Variants in CDH9 observed in about 807,000 individuals in gnomAD.
CDH9 encodes the protein cadherin-9.
CDH9 carries 28 observed loss-of-function variants against 70.9 expected under a neutral mutation model. That is an observed-to-expected ratio of 0.40 (90% CI 0.29 to 0.54). CDH9 has a LOEUF of 0.54. Ranked by LOEUF, CDH9 falls within the 20% of genes least tolerant of loss-of-function variation. CDH9 has a pLI of 0.59. For missense variants in CDH9, 874 were observed against 984.4 expected (o/e 0.89, Z 1.50); for synonymous variants, 409 against 343.1 (o/e 1.19, Z -2.12).
intron 11 of CDH9, among the ~76,000 whole-genome samples, chr5:26,884,369 A>T (rs931864031): frequency 1.3e-5 from 2 of 152,212 alleles, no homozygotes; most frequent in African/African-American, 2.4e-5. Flanking sequence ...ACATATTTAC[A>T]TGTTGTTCTA....
chr5:26,922,258 C>A (rs1475822129), intron 2 of CDH9, among the ~76,000 whole-genome samples: 2 of 151,726 alleles, frequency 1.3e-5, no homozygotes, highest in African/African-American at 4.8e-5. Flanking sequence ...GCAGATTTAA[C>A]CCAAATAAGA....
At chr5:26,965,631 C>T (rs962261787) in intron 2 of CDH9, among the ~76,000 whole-genome samples, 2 of 150,522 alleles carry the variant, frequency 1.3e-5, no homozygotes, top group Non-Finnish European at 3.0e-5. Flanking sequence ...GCTGGTGATA[C>T]ATTTATGAGC....
At chr5:26,996,654 T>C (rs991078308) in intron 1 of CDH9, among the ~76,000 whole-genome samples, 2 of 151,840 alleles carry the variant, frequency 1.3e-5, no homozygotes, top group African/African-American at 4.8e-5. Context: ...AGTGGTTACA[T>C]TTATTATATA....
At chr5:26,899,050 G>T (rs543508327) in intron 7 of CDH9, among the ~76,000 whole-genome samples, 5 of 152,232 alleles carry the variant, frequency 3.3e-5, no homozygotes, top group Admixed American at 3.3e-4. Context: ...CATTTATGCG[G>T]CCAACAAACA....
At position 27,001,842 on chromosome 5, in the gene CDH9, A is replaced by ACT. The variant is rs1430161167; in HGVS notation, c.-49-13461_-49-13460insAG. 6.0e-3 allele frequency among the ~76,000 whole-genome samples: 753 copies of ACT among 125,886 alleles called. 7 individuals carry two copies. The highest frequency in any genetic ancestry group is 0.02 in the African/African-American group (635 of 32,158). 82.6% of individuals were successfully genotyped at this position (125,886 alleles called of 152,430 possible). A position where few individuals can be genotyped will look rare whatever the true frequency, so the allele number is the denominator to read the frequency against. ...CAGTGCTTAACATACACACACACAC[A>ACT]CACTCTCTCTCTCTCTCTCTCTCTC... On this transcript the variant is annotated intron_variant, in intron 1 of 11. Transcript: ENST00000231021.
chr5:26,991,287 C>T (rs1206486144), intron 1 of CDH9, among the ~76,000 whole-genome samples: 2 of 152,154 alleles, frequency 1.3e-5, no homozygotes, highest in African/African-American at 2.4e-5. Flanking sequence ...TTTTTCTATG[C>T]TTTTGCTTCT....
In CDH9 at chr5:26,881,356, T is replaced by C. The variant is rs148997333; in HGVS notation, c.2150A>G (p.His717Arg). 1.6e-5 allele frequency: 26 copies of C among 1,613,570 alleles called. No individual in the cohort carries two copies. In the African/African-American group the frequency reaches 3.2e-4, roughly 20 times the overall value. The change falls in exon 12 of 12, where the codon CAT (histidine) becomes CGT (arginine). Residue 717 changes from histidine (H) to arginine (R), a missense_variant. Transcript: ENST00000231021. ...WENIDVQDFI[H>R]RRLKENDADP... ...TGCGTCGTTTTCTTTTAATCTTCGA[T>C]GGATAAAATCTTGTACATCAATATT...
At chr5:26,948,861 C>T (rs1471081492) in intron 2 of CDH9, among the ~76,000 whole-genome samples, 1 of 152,174 alleles carries the variant, frequency 6.6e-6, no homozygotes, top group Non-Finnish European at 1.5e-5. Context: ...AATGAGAGGA[C>T]AGACGGTGCA....
intron 2 of CDH9, among the ~76,000 whole-genome samples, chr5:26,933,445 T>C (rs1291978810): frequency 6.6e-6 from 1 of 151,434 alleles, no homozygotes; most frequent in Non-Finnish European, 1.5e-5. Context: ...AAGCTGGACA[T>C]ACAAATAAAA....
At chr5:26,913,246 A>T (rs1352950702) in intron 3 of CDH9, among the ~76,000 whole-genome samples, 1 of 152,054 alleles carries the variant, frequency 6.6e-6, no homozygotes, top group East Asian at 1.9e-4. Context: ...AGGCAATTAA[A>T]CCAAATATAG....
intron 2 of CDH9, among the ~76,000 whole-genome samples, chr5:26,931,880 G>T (rs1408202309): frequency 4.6e-5 from 7 of 152,022 alleles, no homozygotes; most frequent in Non-Finnish European, 1.0e-4. Flanking sequence ...ATGGAGAAAA[G>T]AATATGGCAC....
At chr5:26,948,018 T>C (rs955660669) in intron 2 of CDH9, among the ~76,000 whole-genome samples, 1 of 152,062 alleles carries the variant, frequency 6.6e-6, no homozygotes, top group South Asian at 2.1e-4. Flanking sequence ...AACTTCTCCA[T>C]TTATTGGTGG....
chr5:26,937,465 T>C lies in CDH9; in HGVS notation c.229-21541A>G, dbSNP rs1376985198. ...TTACTTTGGTGGACAGTTTGTGAGT[T>C]TCCTACAAAGCTAAACAGTCACAGC... On this transcript the variant is annotated intron_variant, in intron 2 of 11. Coordinates refer to ENST00000231021, the MANE Select transcript of CDH9 (RefSeq NM_016279.4). Among the ~76,000 whole-genome samples, 3 of 152,082 alleles carry C rather than the reference T, an allele frequency of 2.0e-5. No homozygotes were observed. The East Asian group carries it at 5.8e-4, about 29-fold the overall frequency.
intron 2 of CDH9, among the ~76,000 whole-genome samples, chr5:26,926,074 G>A (rs1051782822): frequency 6.6e-6 from 1 of 152,104 alleles, no homozygotes; most frequent in African/African-American, 2.4e-5. Context: ...TCAACGTAGT[G>A]TTGGAAGTTC....
intron 2 of CDH9, among the ~76,000 whole-genome samples, chr5:26,930,942 C>T (rs1741452028): frequency 1.3e-5 from 2 of 151,956 alleles, no homozygotes; most frequent in East Asian, 3.9e-4. Flanking sequence ...TAGATATTAG[C>T]TTCATAATTA....
intron 2 of CDH9, among the ~76,000 whole-genome samples, chr5:26,938,366 C>T (rs1741597658): frequency 6.6e-6 from 1 of 151,664 alleles, no homozygotes; most frequent in Non-Finnish European, 1.5e-5. Context: ...AGGCATTTCA[C>T]AAAATTAGAT....
intron 2 of CDH9, among the ~76,000 whole-genome samples, chr5:26,985,217 CT>C (rs1325985986): frequency 1.3e-5 from 2 of 151,994 alleles, no homozygotes; most frequent in African/African-American, 4.8e-5. Flanking sequence ...GCAATTCTAC[CT>C]TCTTAGATTT....
chr5:27,010,661 GA>G (rs11358872), intron 1 of CDH9, among the ~76,000 whole-genome samples: 3,460 of 152,152 alleles, frequency 0.023, 127 homozygotes, highest in African/African-American at 0.079. Context: ...ACACCTTCGA[GA>G]AAAATTCATC....
Position 26,997,180 on chromosome 5 carries a change from C to T in CDH9, c.-49-8798G>A, listed in dbSNP as rs185284300. 2.6e-5 allele frequency among the ~76,000 whole-genome samples: 4 copies of T among 152,042 alleles called. No individual in the cohort carries two copies. The East Asian group carries it at 5.8e-4, about 22-fold the overall frequency. ...CATTGCCAGAATATGAGAAAATTAA[C>T]TGTTGTCTGTAATGATGGTGGAGCT... On this transcript the variant is annotated intron_variant, in intron 1 of 11. Transcript: ENST00000231021.
Sources: allele counts gnomAD v4.1 joint callset (sites outside exome capture counted in the v4.1 genomes callset), GRCh38; gene constraint gnomAD v4.1.1; transcripts MANE v1.5; gene names NCBI Gene and HGNC (gene_info 2026-07-23, HGNC 2026-07-21).